SP140: variants seen among roughly 807,000 people sequenced by gnomAD.
SP140 encodes SP140 nuclear body protein, also known as nuclear body protein SP140.
SP140 carries 81 observed loss-of-function variants against 125.0 expected under a neutral mutation model. The observed-to-expected ratio is 0.65, with a 90% CI of 0.54 to 0.78. The LOEUF is 0.78. Ranked by LOEUF, SP140 falls within the 30% of genes least tolerant of loss-of-function variation. The pLI, the probability that SP140 is intolerant of heterozygous loss-of-function variation, is 0.00. For missense variants in SP140, 858 were observed against 1,037.0 expected, an observed-to-expected ratio of 0.83 and a Z score of 2.37; for synonymous variants, 312 against 354.0, an observed-to-expected ratio of 0.88 and a Z score of 1.33.
At chr2:230,287,183 C>T (rs750777118) in intron 17 of SP140, among the ~76,000 whole-genome samples, 3 of 152,162 alleles carry the variant, frequency 2.0e-5, no homozygotes, top group Non-Finnish European at 4.4e-5. Context: ...CTCAATTCTA[C>T]CCATTCCTCA....
intron 3 of SP140, among the ~76,000 whole-genome samples, chr2:230,218,197 G>A (rs1052492448): frequency 6.6e-6 from 1 of 152,124 alleles, no homozygotes; most frequent in Non-Finnish European, 1.5e-5. Context: ...GAACAAACAT[G>A]GATTCCACTT....
intron 15 of SP140, among the ~76,000 whole-genome samples, chr2:230,280,709 A>G (rs1406878951): frequency 2.0e-5 from 3 of 152,176 alleles, no homozygotes; most frequent in Non-Finnish European, 4.4e-5. Flanking sequence ...TTTCACTACA[A>G]ACTGAACACC....
intron 22 of SP140, among the ~76,000 whole-genome samples, chr2:230,306,552 C>T (rs1229850760): frequency 6.6e-6 from 1 of 152,226 alleles, no homozygotes; most frequent in African/African-American, 2.4e-5. Context: ...GGAGGCTACC[C>T]TCCACCTGCC....
chr2:230,300,635 C>A (rs1471235481), intron 22 of SP140, among the ~76,000 whole-genome samples: 1 of 152,174 alleles, frequency 6.6e-6, no homozygotes, highest in Non-Finnish European at 1.5e-5. Flanking sequence ...CCCTGTGGAA[C>A]AAGAGAATCT....
intron 3 of SP140, chr2:230,215,113 A>G (rs1315193347): frequency 6.2e-7 from 1 of 1,613,086 alleles, no homozygotes; most frequent in Non-Finnish European, 8.5e-7. Context: ...AGGCTTCCAG[A>G]GATTCCTATA....
intron 18 of SP140, among the ~76,000 whole-genome samples, chr2:230,288,635 G>A (rs1026506078): frequency 3.3e-5 from 5 of 151,742 alleles, no homozygotes; most frequent in South Asian, 2.1e-4. Flanking sequence ...CCCAAATCCC[G>A]ACAGGCCCCG....
intron 1 of SP140, among the ~76,000 whole-genome samples, chr2:230,204,989 G>C (rs949042083): frequency 2.6e-5 from 4 of 152,206 alleles, no homozygotes. Context: ...TTAATAGTTG[G>C]AGGGTAAGGC....
At chr2:230,189,149 G>C in the SP140 span, among the ~76,000 whole-genome samples, 2 of 151,930 alleles carry the variant, frequency 1.3e-5, no homozygotes, top group African/African-American at 4.8e-5. Context: ...TCTTTTCAAA[G>C]AACCAGCTTT....
chr2:230,202,709 G>C, upstream of SP140: 1 of 1,614,030 alleles, frequency 6.2e-7, no homozygotes, highest in Non-Finnish European at 8.5e-7. Context: ...TTTGGATTCC[G>C]TGTCTAGATG....
intron 3 of SP140, among the ~76,000 whole-genome samples, 164 bp from the exon 4 acceptor site, chr2:230,241,240 C>T (rs1474545658): frequency 1.3e-5 from 2 of 152,074 alleles, no homozygotes; most frequent in Non-Finnish European, 2.9e-5. Context: ...CAATGATTTA[C>T]ACTTAAGATA....
intron 3 of SP140, chr2:230,239,199 A>C: frequency 2.4e-6 from 1 of 413,558 alleles, no homozygotes; most frequent in Non-Finnish European, 3.7e-6. Context: ...GGTCTAGAGG[A>C]AGTCAAATAC....
chr2:230,254,922 G>A (rs979632129), intron 11 of SP140, among the ~76,000 whole-genome samples: 2 of 152,148 alleles, frequency 1.3e-5, no homozygotes, highest in Non-Finnish European at 2.9e-5. Context: ...TGTACTATGT[G>A]TTGTTGCCTT....
intron 16 of SP140, 69 bp from the exon 17 acceptor site, chr2:230,285,682 CG>C (rs1298176179): frequency 1.6e-6 from 2 of 1,289,112 alleles, no homozygotes; most frequent in Non-Finnish European, 2.3e-6. Flanking sequence ...CCCTCACTTG[CG>C]TTTGTTCCTG....
chr2:230,192,890 T>A, the SP140 span, among the ~76,000 whole-genome samples: 1 of 152,192 alleles, frequency 6.6e-6, no homozygotes, highest in East Asian at 1.9e-4. Flanking sequence ...GTAGTTTACA[T>A]CTATTGTTTC....
At chr2:230,264,675 G>A (rs2052777451) in intron 12 of SP140, among the ~76,000 whole-genome samples, 1 of 152,222 alleles carries the variant, frequency 6.6e-6, no homozygotes, top group Admixed American at 6.5e-5. Context: ...TTCCCTTGAT[G>A]TACTATTCTC....
At chr2:230,216,420 C>T (rs1249156790) in intron 3 of SP140, among the ~76,000 whole-genome samples, 2 of 152,194 alleles carry the variant, frequency 1.3e-5, no homozygotes, top group Non-Finnish European at 2.9e-5. Context: ...GGATTTCCAA[C>T]AGCTACCAGA....
In SP140 at chr2:230,211,511, T is replaced by A; in HGVS notation, c.-322-2143T>A. On this transcript the variant is annotated intron_variant, in intron 1 of 4. Coordinates refer to the SP140 transcript ENST00000456542. The surrounding 1 kb of genome is among the most constrained non-coding windows in gnomAD (Gnocchi z 4.2). ...GGGAGAGTGGGGCATCTCTTGAGGGTCTTCTTTATCTCTTATTTGGGGGAT... is the reference window on the plus strand; with the variant it reads ...GGGAGAGTGGGGCATCTCTTGAGGGACTTCTTTATCTCTTATTTGGGGGAT... 6.2e-7 allele frequency: 1 copy of A among 1,612,326 alleles called. No homozygotes were observed. Among genetic ancestry groups the A allele is most frequent in the Non-Finnish European group, 8.5e-7 (1 of 1,178,372 alleles).
At chr2:230,246,049 CCATCCATCCATCCATT>C (rs1381136589) in intron 7 of SP140, 109 bp downstream of exon 7, 36 of 629,646 alleles carry the variant, frequency 5.7e-5, no homozygotes, top group South Asian at 5.1e-4. Context: ...ATCCATATAT[CCATCCATCCATCCATT>C]CATCCATCCA....
chr2:230,307,331 C>T (rs776879143), intron 22 of SP140, among the ~76,000 whole-genome samples: 3 of 152,222 alleles, frequency 2.0e-5, no homozygotes, highest in Non-Finnish European at 4.4e-5. Flanking sequence ...TTGGGATCTG[C>T]TGAATGGTGA....
Sources: allele counts gnomAD v4.1 joint callset (sites outside exome capture counted in the v4.1 genomes callset), GRCh38; gene constraint gnomAD v4.1.1; non-coding constraint Gnocchi (gnomAD v3.1); transcripts MANE v1.5; gene names NCBI Gene and HGNC (gene_info 2026-07-23, HGNC 2026-07-21).